Variants in HIVEP3 observed in about 807,000 individuals in gnomAD.
HIVEP3 encodes the protein HIVEP zinc finger 3.
In HIVEP3, 49 loss-of-function variants were observed where a neutral mutation model predicts 152.8. That is an observed-to-expected ratio of 0.32 (90% CI 0.26 to 0.41). The LOEUF (loss-of-function observed/expected upper bound fraction) is 0.41, where lower values mean the gene tolerates loss of function less well. HIVEP3 is among the 10% of genes least tolerant of loss of function. The probability of loss-of-function intolerance (pLI) is 1.00; values close to 1 mark genes in which losing one functional copy is unlikely to be tolerated. For missense variants in HIVEP3, 2,790 were observed against 3,103.3 expected (o/e 0.90, Z 2.40); for synonymous variants, 1,269 against 1,289.0 (o/e 0.98, Z 0.33).
chr1:41,580,836 A>G lies in HIVEP3; in HGVS notation c.3962T>C (p.Val1321Ala). ...GGACGGCATATTGGTCTGAACACGG[A>G]CAGGCACAACCAGGGACACCATGGT... ...PDTMVSLVVPVRVQTNMPSYG... is the reference protein window; with the variant it reads ...PDTMVSLVVPARVQTNMPSYG... Residue 1321 changes from valine (V) to alanine (A), a missense_variant, in exon 4 of 9, where the codon GTC (valine) becomes GCC (alanine). Physicochemically the swap from Val to Ala is moderately conservative, Grantham distance 64. Transcript: ENST00000372583. The G allele has an allele frequency of 6.3e-7, 1 of 1,590,758 alleles. No individual in the cohort carries two copies. The highest frequency in any genetic ancestry group is 8.6e-7 in the Non-Finnish European group (1 of 1,168,584).
chr1:41,559,831 G>T (rs1230679116), intron 5 of HIVEP3, among the ~76,000 whole-genome samples: 1 of 152,218 alleles, frequency 6.6e-6, no homozygotes, highest in Non-Finnish European at 1.5e-5. Context: ...TGAGTTTTAT[G>T]AAGCACTTAC....
intron 1 of HIVEP3, among the ~76,000 whole-genome samples, chr1:41,714,014 G>C (rs973480670): frequency 6.6e-6 from 1 of 151,516 alleles, no homozygotes; most frequent in African/African-American, 2.5e-5. Flanking sequence ...TTCAGAACCT[G>C]CCAGCCCTTC....
In HIVEP3 at chr1:41,581,471, G is replaced by T; in HGVS notation, c.3327C>A (p.Pro1109=). 1 of 1,572,710 alleles carries T rather than the reference G, an allele frequency of 6.4e-7. No individual in the cohort carries two copies. Among genetic ancestry groups the T allele is most frequent in the Admixed American group, 1.8e-5 (1 of 54,914 alleles). The part of the protein sequence containing the change: ...PGGKGPGQDR[P]PLGPTVPYTE... Reference sequence around the variant, plus strand: ...TGTAGGGCACAGTGGGCCCCAATGGGGGCCTGTCCTGCCCTGGGCCCTTGC... The same window carrying T: ...TGTAGGGCACAGTGGGCCCCAATGGTGGCCTGTCCTGCCCTGGGCCCTTGC... Residue 1109 remains proline, a synonymous_variant, in exon 4 of 9, where the codon CCC becomes CCA. Coordinates refer to ENST00000372583, the MANE Select transcript of HIVEP3 (RefSeq NM_024503.5). This position sits in a 1 kb window ranked among gnomAD's most constrained non-coding sequence, Gnocchi z 4.5.
In HIVEP3 at chr1:41,511,742, C is replaced by T. The variant is rs1346010638; in HGVS notation, c.6406-476G>A. On this transcript the variant is annotated intron_variant, in intron 8 of 8. Coordinates refer to ENST00000372583, the MANE Select transcript of HIVEP3 (RefSeq NM_024503.5). This position sits in a 1 kb window ranked among gnomAD's most constrained non-coding sequence, Gnocchi z 4.9. ...AAAATTAAAAATCAAGGAAAGATTC[C>T]TAGATCAGTGTTCCTCCAGGAGTGA... Among the ~76,000 whole-genome samples, 2 of 152,148 alleles carry T rather than the reference C, an allele frequency of 1.3e-5. No individual in the cohort carries two copies. The highest frequency in any genetic ancestry group is 2.9e-5 in the Non-Finnish European group (2 of 68,024).
intron 1 of HIVEP3, among the ~76,000 whole-genome samples, chr1:41,785,387 C>T (rs1162275313): frequency 2.6e-5 from 4 of 152,130 alleles, no homozygotes; most frequent in African/African-American, 9.7e-5. Flanking sequence ...CAAATAAATC[C>T]ACTTACAGGG....
Position 41,918,323 on chromosome 1 carries a change from T to A in HIVEP3, c.-801+90A>T, listed in dbSNP as rs537433237. The A allele has an allele frequency of 2.6e-5, 4 of 152,576 alleles. No homozygotes were observed. In the East Asian group the frequency reaches 7.7e-4, roughly 29 times the overall value. The allele number at this position is 152,576 out of a possible 1,614,324, so 9.5% of individuals were successfully genotyped here. On this transcript the variant is annotated intron_variant, in intron 1 of 8. Transcript: ENST00000372583. The surrounding 1 kb of genome is among the most constrained non-coding windows in gnomAD (Gnocchi z 4.3). ...TGGAATCGCAGCTCGCTATTCTGCT[T>A]CGCGGTGCGGCCTCAGGCAAAAACA...
intron 1 of HIVEP3, among the ~76,000 whole-genome samples, chr1:41,872,007 G>C (rs897492744): frequency 6.6e-6 from 1 of 152,156 alleles, no homozygotes; most frequent in African/African-American, 2.4e-5. Context: ...CATTTCAAGT[G>C]AACAGTGGGT....
At chr1:41,606,732 T>G (rs1644827817) in intron 3 of HIVEP3, among the ~76,000 whole-genome samples, 1 of 151,930 alleles carries the variant, frequency 6.6e-6, no homozygotes, top group African/African-American at 2.4e-5. Flanking sequence ...TTTAAAAAAC[T>G]ATTTTTTTCA....
intron 1 of HIVEP3, among the ~76,000 whole-genome samples, chr1:41,745,763 G>A (rs1252403755): frequency 1.3e-5 from 2 of 152,164 alleles, no homozygotes; most frequent in Non-Finnish European, 2.9e-5. Context: ...GTGGGGGTGG[G>A]AATATGGGAG....
rs892613120 is a variant in HIVEP3, at chr1:41,551,388, C to T, written c.5207+24156G>A. ...GCTTTGGTATCAGGATGATGTTGGT[C>T]TCATAGAATGAGTTAGGGAGGATTC... On this transcript the variant is annotated intron_variant, in intron 5 of 8. Coordinates refer to ENST00000372583, the MANE Select transcript of HIVEP3 (RefSeq NM_024503.5). Among the ~76,000 whole-genome samples, 19 of 151,910 alleles carry T rather than the reference C, an allele frequency of 1.3e-4. No homozygotes were observed. The East Asian group carries it at 3.1e-3, about 25-fold the overall frequency.
At chr1:41,828,852 CTCTT>C (rs1307510271) in intron 1 of HIVEP3, among the ~76,000 whole-genome samples, 1 of 152,242 alleles carries the variant, frequency 6.6e-6, no homozygotes, top group African/African-American at 2.4e-5. Context: ...CGTAGTGCAG[CTCTT>C]TAAAGTCTAG....
intron 1 of HIVEP3, among the ~76,000 whole-genome samples, chr1:41,913,575 T>A (rs1644828403): frequency 6.6e-6 from 1 of 152,142 alleles, no homozygotes; most frequent in Non-Finnish European, 1.5e-5. Flanking sequence ...TATTTTTATT[T>A]TTTTTAAGAC....
intron 3 of HIVEP3, among the ~76,000 whole-genome samples, chr1:41,589,204 C>G (rs1449345064): frequency 1.3e-5 from 2 of 152,192 alleles, no homozygotes; most frequent in Non-Finnish European, 1.5e-5. Flanking sequence ...GCTGGGCCAA[C>G]AGAGGCCTGA....
intron 2 of HIVEP3, among the ~76,000 whole-genome samples, chr1:41,641,677 G>C (rs1645375182): frequency 6.6e-6 from 1 of 152,212 alleles, no homozygotes; most frequent in South Asian, 2.1e-4. Context: ...CGGTGAACCA[G>C]AGCAGGCCCT....
chr1:41,534,282 C>A (rs1171935890), intron 5 of HIVEP3, among the ~76,000 whole-genome samples: 1 of 152,138 alleles, frequency 6.6e-6, no homozygotes, highest in African/African-American at 2.4e-5. Flanking sequence ...GCAGGAAAGG[C>A]CCAGGGCACC....
intron 1 of HIVEP3, among the ~76,000 whole-genome samples, chr1:41,924,886 A>G (rs952023007): frequency 5.9e-5 from 9 of 152,204 alleles, no homozygotes; most frequent in Non-Finnish European, 1.2e-4. Context: ...CAGGTCATTA[A>G]GAGTCTGAGC....
At chr1:41,964,709 G>T (rs1645188324) in intron 1 of HIVEP3, among the ~76,000 whole-genome samples, 1 of 152,184 alleles carries the variant, frequency 6.6e-6, no homozygotes, top group Non-Finnish European at 1.5e-5. Context: ...CTCCTCACCA[G>T]GCCAGAATGT....
At chr1:41,568,107 C>T (rs776565823) in intron 5 of HIVEP3, among the ~76,000 whole-genome samples, 2 of 152,208 alleles carry the variant, frequency 1.3e-5, no homozygotes, top group Non-Finnish European at 2.9e-5. Context: ...ACTGGGGACA[C>T]AGCAATGAAC....
chr1:42,002,727 TC>T lies in HIVEP3; in HGVS notation n.119+33079del, dbSNP rs1330735521. On this transcript the variant is annotated intron_variant and non_coding_transcript_variant, in intron 1 of 3. Coordinates refer to the HIVEP3 transcript ENST00000489103. ...CAGATGGACCCCTGGGGTTCCACTC[TC>T]CTGTACAAGTCAGTAGCCCAAAAGG... Among the ~76,000 whole-genome samples, 6 of 152,148 alleles carry T rather than the reference TC, an allele frequency of 3.9e-5. No homozygotes were observed. The East Asian group carries it at 1.2e-3, about 29-fold the overall frequency.
Sources: gnomAD v4.1 joint callset for allele counts (sites outside exome capture counted in the v4.1 genomes callset) on GRCh38, gnomAD v4.1.1 for gene constraint, Gnocchi (gnomAD v3.1) non-coding constraint, MANE v1.5 for transcripts, NCBI Gene and HGNC (gene_info 2026-07-23, HGNC 2026-07-21) for gene names.